Variants in GABRG3 observed in about 807,000 individuals in gnomAD.
GABRG3 encodes gamma-aminobutyric acid receptor subunit gamma-3.
GABRG3 carries 25 observed loss-of-function variants against 48.8 expected under a neutral mutation model. The observed-to-expected ratio is 0.51, with a 90% CI of 0.37 to 0.72. The LOEUF is 0.72. GABRG3 is among the 30% of genes least tolerant of loss of function. The probability of loss-of-function intolerance (pLI) is 0.00; values close to 1 mark genes in which losing one functional copy is unlikely to be tolerated. For missense variants in GABRG3, 394 were observed against 577.9 expected (o/e 0.68, Z 3.26); for synonymous variants, 227 against 217.6 (o/e 1.04, Z -0.38).
At chr15:27,205,045 A>G (rs1439576737) in intron 3 of GABRG3, among the ~76,000 whole-genome samples, 2 of 151,454 alleles carry the variant, frequency 1.3e-5, no homozygotes, top group African/African-American at 4.9e-5. Flanking sequence ...TATGCCTTTT[A>G]TTTCTTTCTC....
intron 3 of GABRG3, among the ~76,000 whole-genome samples, chr15:27,170,392 A>G (rs208149): frequency 0.23 from 35,558 of 152,076 alleles, 5,441 homozygotes; most frequent in Non-Finnish European, 0.33. Context: ...GTATATATAC[A>G]TGTGTGTGCA....
chr15:27,181,187 T>A (rs971428012), intron 3 of GABRG3, among the ~76,000 whole-genome samples: 19 of 152,128 alleles, frequency 1.2e-4, no homozygotes, highest in African/African-American at 4.3e-4. Context: ...GGACCAATGC[T>A]AGCTGCCCAC....
chr15:27,366,032 A>G (rs1265872190), intron 5 of GABRG3: 3 of 152,228 alleles, frequency 2.0e-5, no homozygotes, highest in East Asian at 1.9e-4. Flanking sequence ...GTAGCATCAG[A>G]TAAGAGGAAG....
intron 5 of GABRG3, among the ~76,000 whole-genome samples, chr15:27,389,994 G>A (rs1896172830): frequency 6.6e-6 from 1 of 152,188 alleles, no homozygotes. Context: ...AAATTTTTGT[G>A]TGCCAAGAAT....
intron 3 of GABRG3, among the ~76,000 whole-genome samples, chr15:27,092,618 A>G (rs1223023024): frequency 1.3e-5 from 2 of 152,204 alleles, no homozygotes; most frequent in Non-Finnish European, 2.9e-5. Flanking sequence ...GACTGTGCTT[A>G]ATCTCGGGTG....
chr15:27,351,237 G>C (rs1894570897), intron 5 of GABRG3, among the ~76,000 whole-genome samples: 1 of 147,688 alleles, frequency 6.8e-6, no homozygotes, highest in Admixed American at 6.7e-5. Flanking sequence ...GTGTGTGTTT[G>C]TGTGTATGGT....
intron 3 of GABRG3, among the ~76,000 whole-genome samples, chr15:27,194,433 C>T (rs546261913): frequency 6.6e-6 from 1 of 152,310 alleles, no homozygotes; most frequent in African/African-American, 2.4e-5. Context: ...CCTTTAGCAA[C>T]TCCTTAAGGG....
chr15:27,235,184 C>G (rs969114237), intron 3 of GABRG3, among the ~76,000 whole-genome samples: 1 of 152,194 alleles, frequency 6.6e-6, no homozygotes, highest in African/African-American at 2.4e-5. Flanking sequence ...GTAATTTAAA[C>G]TCTTTTCACA....
intron 2 of GABRG3, among the ~76,000 whole-genome samples, chr15:26,989,015 C>T (rs548885219): frequency 6.6e-6 from 1 of 152,202 alleles, no homozygotes; most frequent in Non-Finnish European, 1.5e-5. Context: ...AGGTTTAGAA[C>T]ATCTTCATCT....
At chr15:27,314,753 A>G (rs985780757) in intron 3 of GABRG3, among the ~76,000 whole-genome samples, 1 of 152,228 alleles carries the variant, frequency 6.6e-6, no homozygotes, top group African/African-American at 2.4e-5. Context: ...GCACTATGTG[A>G]CAACACAGTG....
intron 3 of GABRG3, among the ~76,000 whole-genome samples, chr15:27,177,327 G>A (rs1887779996): frequency 6.6e-6 from 1 of 152,196 alleles, no homozygotes; most frequent in Non-Finnish European, 1.5e-5. Flanking sequence ...GTTATCTAAA[G>A]GAGCAACTGG....
chr15:27,477,762 C>T (rs186277702), intron 5 of GABRG3, among the ~76,000 whole-genome samples: 5 of 152,056 alleles, frequency 3.3e-5, no homozygotes, highest in East Asian at 1.9e-4. Flanking sequence ...AAAAGGAGGC[C>T]GGGCACAGTG....
At chr15:27,431,660 C>T (rs1888457858) in intron 5 of GABRG3, among the ~76,000 whole-genome samples, 3 of 152,182 alleles carry the variant, frequency 2.0e-5, no homozygotes, top group Admixed American at 6.5e-5. Context: ...GTTTTGTAGA[C>T]ACCCTTTATC....
intron 7 of GABRG3, among the ~76,000 whole-genome samples, chr15:27,524,578 A>T (rs1488541048): frequency 1.3e-5 from 2 of 152,158 alleles, no homozygotes; most frequent in African/African-American, 4.8e-5. Flanking sequence ...TATTTAAGAC[A>T]ATTATATTAA....
At chr15:27,207,909 C>T (rs568728350) in intron 3 of GABRG3, among the ~76,000 whole-genome samples, 1 of 152,258 alleles carries the variant, frequency 6.6e-6, no homozygotes, top group South Asian at 2.1e-4. Flanking sequence ...AACAGGACAA[C>T]CAGGGAGCAA....
At chr15:27,297,641 G>C (rs935299222) in intron 3 of GABRG3, among the ~76,000 whole-genome samples, 1 of 152,162 alleles carries the variant, frequency 6.6e-6, no homozygotes, top group Non-Finnish European at 1.5e-5. Context: ...GTTTGTGTAA[G>C]TACACTCTAT....
intron 3 of GABRG3, among the ~76,000 whole-genome samples, chr15:27,088,337 G>A (rs1897122861): frequency 6.6e-6 from 1 of 151,988 alleles, no homozygotes; most frequent in Admixed American, 6.5e-5. Context: ...GCGCCTCCAG[G>A]GCTCTGGGGA....
intron 6 of GABRG3, among the ~76,000 whole-genome samples, chr15:27,482,520 G>A (rs1161483809): frequency 6.6e-6 from 1 of 152,180 alleles, no homozygotes; most frequent in Non-Finnish European, 1.5e-5. Context: ...GACTGTGTTG[G>A]CATTTTAAAG....
intron 3 of GABRG3, among the ~76,000 whole-genome samples, chr15:27,147,693 A>G (rs1198211189): frequency 1.3e-5 from 2 of 152,042 alleles, no homozygotes; most frequent in African/African-American, 4.8e-5. Flanking sequence ...TCACAAATAT[A>G]TGAAAATTAA....
Sources: allele counts gnomAD v4.1 joint callset (sites outside exome capture counted in the v4.1 genomes callset), GRCh38; gene constraint gnomAD v4.1.1; transcripts MANE v1.5; gene names NCBI Gene and HGNC (gene_info 2026-07-23, HGNC 2026-07-21).